The following STON2 variants were observed in gnomAD, a reference collection of about 807,000 sequenced individuals.
The protein encoded by STON2 is stonin 2.
STON2 carries 29 observed loss-of-function variants against 65.7 expected under a neutral mutation model. The observed-to-expected ratio is 0.44, with a 90% CI of 0.33 to 0.60. The LOEUF (loss-of-function observed/expected upper bound fraction) is 0.60, where lower values mean the gene tolerates loss of function less well. Among genes scored for constraint, STON2 ranks in the 20% least tolerant of loss-of-function variants. STON2 has a pLI of 0.03. For synonymous variants in STON2, 404 were observed against 414.2 expected (o/e 0.98, Z 0.30); for missense variants, 1,054 against 1,118.1 (o/e 0.94, Z 0.82).
chr14:81,281,236 G>T (rs1425048854), intron 5 of STON2, among the ~76,000 whole-genome samples: 1 of 152,112 alleles, frequency 6.6e-6, no homozygotes, highest in African/African-American at 2.4e-5. Context: ...TTAATTTTCT[G>T]AAAATCGAAG....
chr14:81,320,793 G>A (rs1009823134), intron 5 of STON2, among the ~76,000 whole-genome samples: 4 of 152,116 alleles, frequency 2.6e-5, no homozygotes, highest in Non-Finnish European at 1.5e-5. Context: ...GCCTACAGAT[G>A]AAATGTGACA....
intron 5 of STON2, among the ~76,000 whole-genome samples, chr14:81,319,841 C>G (rs73337736): frequency 6.6e-6 from 1 of 152,152 alleles, no homozygotes; most frequent in African/African-American, 2.4e-5. Context: ...TAGAACCCCT[C>G]CATCCAGTGA....
chr14:81,263,837 A>G lies in STON2; in HGVS notation c.*4577T>C. The stretch of plus-strand genomic sequence containing the variant: ...CAATTTAATATTCCCAAGGCTTTTA[A>G]GAAAAAACTTCAGCTCATTCTGTTT... On this transcript the variant is annotated 3_prime_UTR_variant, in exon 8 of 8. Transcript: ENST00000614646. 1.0e-6 allele frequency: 1 copy of G among 985,464 alleles called. No homozygotes were observed. The highest frequency in any genetic ancestry group is 1.2e-6 in the Non-Finnish European group (1 of 829,942). The allele number at this position is 985,464 out of a possible 1,614,324, so 61.0% of individuals were successfully genotyped here.
In STON2 at chr14:81,270,866, C is replaced by A. The variant is rs749808725; in HGVS notation, c.2588G>T (p.Gly863Val). Reference protein sequence around the residue: ...NRLPDKNSASGHPHCFFCHLE... With the variant: ...NRLPDKNSASVHPHCFFCHLE... ...GTGGCAAAAGAAACAGTGTGGGTGA[C>A]CGGAAGCTATGAAAGAAAGACAATC... Residue 863 changes from glycine (G) to valine (V), a missense_variant, in exon 7 of 8, where the codon GGT becomes GTT. Transcript: ENST00000614646. 1 of 1,612,438 alleles carries A rather than the reference C, an allele frequency of 6.2e-7. No individual in the cohort carries two copies. Among genetic ancestry groups the A allele is most frequent in the Non-Finnish European group, 8.5e-7 (1 of 1,179,786 alleles).
rs139173267 is a variant in STON2, at chr14:81,270,822, G to A, written c.2632C>T (p.Arg878Trp). The stretch of plus-strand genomic sequence containing the variant: ...TTGGCAAATCTGGAAGGCACTTCCC[G>A]GTCAGAGCCGAGTTCAAGGTGGCAA... Reference protein sequence around the residue: ...FFCHLELGSDREVPSRFANHV... With the variant: ...FFCHLELGSDWEVPSRFANHV... Residue 878 changes from arginine to tryptophan, a missense_variant, in exon 7 of 8, where the codon CGG becomes TGG. By Grantham distance (101) the Arg-to-Trp change is moderately radical. Coordinates refer to ENST00000614646, the MANE Select transcript of STON2 (RefSeq NM_001394390.1). 29 of 1,613,774 alleles carry A rather than the reference G, an allele frequency of 1.8e-5. No homozygotes were observed. The highest frequency in any genetic ancestry group is 1.1e-4 in the East Asian group (5 of 44,890).
At chr14:81,387,713 T>C (rs1340065518) in intron 3 of STON2, among the ~76,000 whole-genome samples, 2 of 151,288 alleles carry the variant, frequency 1.3e-5, no homozygotes, top group Non-Finnish European at 2.9e-5. Flanking sequence ...GCCAACATGG[T>C]AAAACCCATC....
At chr14:81,312,671 C>T (rs1171128637) in intron 5 of STON2, among the ~76,000 whole-genome samples, 1 of 152,222 alleles carries the variant, frequency 6.6e-6, no homozygotes, top group Non-Finnish European at 1.5e-5. Context: ...TGCTTAAAAT[C>T]AAATTGCCCT....
intron 5 of STON2, among the ~76,000 whole-genome samples, chr14:81,315,678 A>G (rs1896592825): frequency 1.3e-5 from 2 of 152,190 alleles, no homozygotes; most frequent in Admixed American, 6.5e-5. Context: ...AAGAATCCCA[A>G]ATTTTTCTTA....
At chr14:81,361,197 G>C (rs1898475941) in intron 4 of STON2, among the ~76,000 whole-genome samples, 1 of 151,950 alleles carries the variant, frequency 6.6e-6, no homozygotes, top group African/African-American at 2.4e-5. Flanking sequence ...AATAGCCAAA[G>C]CTATCATAAG....
chr14:81,317,150 G>A (rs1896655161), intron 5 of STON2, among the ~76,000 whole-genome samples: 1 of 152,200 alleles, frequency 6.6e-6, no homozygotes, highest in South Asian at 2.1e-4. Flanking sequence ...AGGTGAAGGG[G>A]GAGAAGGCAT....
At chr14:81,340,070 C>T (rs911483487) in intron 4 of STON2, among the ~76,000 whole-genome samples, 15 of 152,206 alleles carry the variant, frequency 9.9e-5, no homozygotes, top group African/African-American at 3.1e-4. Context: ...AGGAGAATGG[C>T]ATAAACCCGG....
At chr14:81,406,835 G>A (rs934240762) in intron 2 of STON2, among the ~76,000 whole-genome samples, 3 of 152,114 alleles carry the variant, frequency 2.0e-5, no homozygotes, top group African/African-American at 4.8e-5. Context: ...ACTGGCCAAC[G>A]GTTCTCTGGG....
intron 5 of STON2, among the ~76,000 whole-genome samples, chr14:81,321,683 G>A (rs1162472364): frequency 6.6e-6 from 1 of 152,220 alleles, no homozygotes; most frequent in African/African-American, 2.4e-5. Flanking sequence ...AATTCAAGCA[G>A]ATGTTGCATT....
chr14:81,363,752 T>C (rs1898601383), intron 4 of STON2, among the ~76,000 whole-genome samples: 1 of 152,226 alleles, frequency 6.6e-6, no homozygotes, highest in Admixed American at 6.5e-5. Flanking sequence ...CTTGTTTCTG[T>C]TATCCAAGCA....
chr14:81,317,665 G>A lies in STON2; in HGVS notation c.742+6352C>T, dbSNP rs1286112322. Among the ~76,000 whole-genome samples, 7 of 152,154 alleles carry A rather than the reference G, an allele frequency of 4.6e-5. No individual in the cohort carries two copies. The South Asian group carries it at 8.3e-4, about 18-fold the overall frequency. Reference sequence around the variant, plus strand: ...TTTTAACCACTGCAATGTTGGGCTCGGCTATGGGAAAAGGTCCCAGTGTTC... The same window carrying A: ...TTTTAACCACTGCAATGTTGGGCTCAGCTATGGGAAAAGGTCCCAGTGTTC... On this transcript the variant is annotated intron_variant, in intron 5 of 7. Coordinates refer to ENST00000614646, the MANE Select transcript of STON2 (RefSeq NM_001394390.1).
chr14:81,338,479 C>T (rs1009943959), intron 4 of STON2, among the ~76,000 whole-genome samples: 2 of 152,152 alleles, frequency 1.3e-5, no homozygotes, highest in Non-Finnish European at 2.9e-5. Flanking sequence ...GGCTGTTATC[C>T]TTTAAATGAG....
intron 1 of STON2, chr14:81,436,182 G>A (rs916411174): frequency 1.3e-5 from 2 of 151,864 alleles, no homozygotes; most frequent in Admixed American, 6.6e-5. Context: ...CAGGCTCGGG[G>A]GCGCCAGGGG....
intron 5 of STON2, among the ~76,000 whole-genome samples, chr14:81,279,555 G>T (rs1164145843): frequency 1.3e-5 from 2 of 152,164 alleles, no homozygotes; most frequent in African/African-American, 4.8e-5. Flanking sequence ...GCTGGGCGTA[G>T]TGGCAGGCAC....
At chr14:81,322,263 T>C (rs1896847042) in intron 5 of STON2, among the ~76,000 whole-genome samples, 2 of 152,216 alleles carry the variant, frequency 1.3e-5, no homozygotes, top group African/African-American at 4.8e-5. Flanking sequence ...TACCGTAACG[T>C]GTAGCATCCA....
Sources: gnomAD v4.1 joint callset for allele counts (sites outside exome capture counted in the v4.1 genomes callset) on GRCh38, gnomAD v4.1.1 for gene constraint, MANE v1.5 for transcripts, NCBI Gene and HGNC (gene_info 2026-07-23, HGNC 2026-07-21) for gene names.